The following TCAF1 variants were observed in gnomAD, a reference collection of about 807,000 sequenced individuals.
The protein encoded by TCAF1 is TRPM8 channel-associated factor 1.
A neutral mutation model predicts 27.3 loss-of-function variants in TCAF1; 4 were observed. That is an observed-to-expected ratio of 0.15 (90% CI 0.07 to 0.34). TCAF1 has a LOEUF of 0.34. TCAF1 is among the 10% of genes least tolerant of loss of function. TCAF1 has a pLI of 1.00. For synonymous variants in TCAF1, 105 were observed against 167.1 expected (o/e 0.63, Z 2.87); for missense variants, 257 against 425.8 (o/e 0.60, Z 3.49).
chr7:143,875,321 A>G (rs948413146), intron 2 of TCAF1, among the ~76,000 whole-genome samples: 1 of 152,110 alleles, frequency 6.6e-6, no homozygotes, highest in African/African-American at 2.4e-5. Context: ...CTGAGCACCT[A>G]CTGACCTGCT....
At position 143,902,129 on chromosome 7, in the gene TCAF1, G is replaced by GTCCT. The variant is rs1814150326; in HGVS notation, c.-184_-183insAGGA. On this transcript the variant is annotated 5_prime_UTR_variant, in exon 1 of 9. Transcript: ENST00000479870. Reference sequence around the variant, plus strand: ...GAGGAAGCAGCTTCTCCGCCCAGGAGGCAAAGGGCAGCGGGCTCGAAACTA... The same window carrying GTCCT: ...GAGGAAGCAGCTTCTCCGCCCAGGAGTCCTGCAAAGGGCAGCGGGCTCGAAACTA... The GTCCT allele has an allele frequency of 6.6e-6, 1 of 152,462 alleles. No homozygotes were observed. The highest frequency in any genetic ancestry group is 1.5e-5 in the Non-Finnish European group (1 of 68,234). 9.4% of individuals were successfully genotyped at this position (152,462 alleles called of 1,614,324 possible).
At chr7:143,877,803 C>T (rs768361321) in intron 1 of TCAF1, among the ~76,000 whole-genome samples, 28 of 152,218 alleles carry the variant, frequency 1.8e-4, no homozygotes, top group Non-Finnish European at 3.4e-4. Flanking sequence ...GTCAGTGCGG[C>T]CCGAGGTAAC....
At chr7:143,878,012 G>C (rs1334968190) in intron 1 of TCAF1, among the ~76,000 whole-genome samples, 1 of 152,164 alleles carries the variant, frequency 6.6e-6, no homozygotes, top group African/African-American at 2.4e-5. Context: ...GTCTGAGTTT[G>C]AATTTCAGCT....
At chr7:143,881,151 G>A (rs1410423655) in intron 1 of TCAF1, among the ~76,000 whole-genome samples, 2 of 152,200 alleles carry the variant, frequency 1.3e-5, no homozygotes, top group African/African-American at 4.8e-5. Context: ...GGAGGGCCAT[G>A]CTGGATGCTG....
At chr7:143,886,467 AGAACTCT>A (rs1350053080) in intron 1 of TCAF1, 2 of 977,514 alleles carry the variant, frequency 2.0e-6, no homozygotes, top group African/African-American at 3.5e-5. Flanking sequence ...GCATAGGTTA[AGAACTCT>A]ATTTTATTCT....
At chr7:143,878,442 T>C (rs1812841788) in intron 1 of TCAF1, among the ~76,000 whole-genome samples, 1 of 152,216 alleles carries the variant, frequency 6.6e-6, no homozygotes, top group Non-Finnish European at 1.5e-5. Flanking sequence ...TCACACAGGC[T>C]GTGGGCCTTC....
chr7:143,882,512 A>AC, intron 1 of TCAF1: 1 of 985,286 alleles, frequency 1.0e-6, no homozygotes, highest in Non-Finnish European at 1.2e-6. Flanking sequence ...GGGATGCGGG[A>AC]CCCAAGCGCA....
rs1316873754 is a variant in TCAF1 at position 143,852,694 on chromosome 7, G to A, written c.*1439C>T. On this transcript the variant is annotated 3_prime_UTR_variant, in exon 9 of 9. Coordinates refer to ENST00000479870, the MANE Select transcript of TCAF1 (RefSeq NM_014719.3). ...CAGTCTATTTCTCATCCATTTTTGT[G>A]TTGAGCTAATCGTGATGACCTCATT... The A allele has an allele frequency of 1.3e-5, 2 of 151,872 alleles. No homozygotes were observed. The highest frequency in any genetic ancestry group is 1.3e-4 in the Admixed American group (2 of 15,232). The allele number at this position is 151,872 out of a possible 1,614,324, so 9.4% of individuals were successfully genotyped here. A position where few individuals can be genotyped will look rare whatever the true frequency, so the allele number is the denominator to read the frequency against.
intron 6 of TCAF1, among the ~76,000 whole-genome samples, chr7:143,859,916 G>T (rs6958475): frequency 0.63 from 19,181 of 30,606 alleles, 5,009 homozygotes; most frequent in South Asian, 0.76. Flanking sequence ...ATATATTACG[G>T]AATATATATT....
intron 1 of TCAF1, chr7:143,884,842 G>A: frequency 3.1e-6 from 1 of 317,902 alleles, no homozygotes; most frequent in Non-Finnish European, 4.5e-6. Context: ...GCGTAGCTTT[G>A]AAATATATTT....
chr7:143,893,121 T>C (rs1298985011), intron 1 of TCAF1, among the ~76,000 whole-genome samples: 3 of 152,194 alleles, frequency 2.0e-5, no homozygotes, highest in Non-Finnish European at 4.4e-5. Flanking sequence ...AAAGCTAGTA[T>C]GGCTTATGTA....
At chr7:143,878,360 A>G (rs1226207448) in intron 1 of TCAF1, among the ~76,000 whole-genome samples, 1 of 151,710 alleles carries the variant, frequency 6.6e-6, no homozygotes, top group African/African-American at 2.4e-5. Flanking sequence ...TACTAATACT[A>G]ACACTAACAC....
chr7:143,895,478 T>A (rs1380663847), intron 1 of TCAF1, among the ~76,000 whole-genome samples: 1 of 151,844 alleles, frequency 6.6e-6, no homozygotes, highest in East Asian at 1.9e-4. Context: ...GTCTGAATAG[T>A]GGTTATTTTT....
chr7:143,871,320 A>C (rs1437977877), intron 2 of TCAF1, among the ~76,000 whole-genome samples: 1 of 145,374 alleles, frequency 6.9e-6, no homozygotes, highest in East Asian at 2.0e-4. Flanking sequence ...CGAGGCTTTA[A>C]CTTGCCAAAT....
At chr7:143,892,649 G>C (rs60327773) in intron 1 of TCAF1, among the ~76,000 whole-genome samples, 3,290 of 151,492 alleles carry the variant, frequency 0.022, 133 homozygotes, top group African/African-American at 0.074. Context: ...AATATTTATA[G>C]ATTGCATGTT....
At chr7:143,883,492 TCC>T (rs1813196869) in intron 1 of TCAF1, among the ~76,000 whole-genome samples, 1 of 129,220 alleles carries the variant, frequency 7.7e-6, no homozygotes, top group Non-Finnish European at 1.6e-5. Flanking sequence ...TTTCTTTCTT[TCC>T]TTTTTCTTTT....
intron 1 of TCAF1, among the ~76,000 whole-genome samples, chr7:143,893,886 T>C (rs1432197806): frequency 6.6e-6 from 1 of 151,708 alleles, no homozygotes; most frequent in African/African-American, 2.4e-5. Context: ...AAATTTAAAG[T>C]AAATCAGAGA....
intron 1 of TCAF1, among the ~76,000 whole-genome samples, chr7:143,900,361 TTC>T (rs1311525421): frequency 1.3e-5 from 2 of 152,098 alleles, no homozygotes; most frequent in Non-Finnish European, 2.9e-5. Context: ...CTTTCTCTTT[TTC>T]TCTGTGGGAG....
chr7:143,896,473 A>G (rs1325265552), intron 1 of TCAF1, among the ~76,000 whole-genome samples: 1 of 152,098 alleles, frequency 6.6e-6, no homozygotes, highest in East Asian at 1.9e-4. Context: ...TGGGTTGTAT[A>G]ATTAAAACAG....
Sources: gnomAD v4.1 joint callset for allele counts (sites outside exome capture counted in the v4.1 genomes callset) on GRCh38, gnomAD v4.1.1 for gene constraint, MANE v1.5 for transcripts, NCBI Gene and HGNC (gene_info 2026-07-23, HGNC 2026-07-21) for gene names.